The following FRAS1 variants were observed in gnomAD, a reference collection of about 807,000 sequenced individuals.
FRAS1 encodes Fraser extracellular matrix complex subunit 1, also known as extracellular matrix organizing protein FRAS1.
A neutral mutation model predicts 435.2 loss-of-function variants in FRAS1; 290 were observed. That is an observed-to-expected ratio of 0.67 (90% CI 0.61 to 0.73). The LOEUF (loss-of-function observed/expected upper bound fraction) is 0.73, where lower values mean the gene tolerates loss of function less well. Ranked by LOEUF, FRAS1 falls within the 30% of genes least tolerant of loss-of-function variation. FRAS1 has a pLI of 0.00. For missense variants in FRAS1, 4,860 were observed against 5,001.5 expected, an observed-to-expected ratio of 0.97 and a Z score of 0.85; for synonymous variants, 1,800 against 1,851.0, an observed-to-expected ratio of 0.97 and a Z score of 0.71.
intron 63 of FRAS1, among the ~76,000 whole-genome samples, chr4:78,509,503 A>G (rs1404646420): frequency 6.6e-6 from 1 of 151,634 alleles, no homozygotes; most frequent in Non-Finnish European, 1.5e-5. Context: ...ATGGCCCAAA[A>G]TGGCCAGGAC....
chr4:78,086,350 A>T (rs1741165237), intron 2 of FRAS1, among the ~76,000 whole-genome samples: 1 of 152,236 alleles, frequency 6.6e-6, no homozygotes, highest in Non-Finnish European at 1.5e-5. Flanking sequence ...ACACTCTAAC[A>T]TCACAATTAA....
chr4:78,445,717 AG>A lies in FRAS1; in HGVS notation c.5856+6del, dbSNP rs1226258933. The A allele has an allele frequency of 6.2e-7, 1 of 1,613,858 alleles. No individual in the cohort carries two copies. Among genetic ancestry groups the A allele is most frequent in the South Asian group, 1.1e-5 (1 of 91,040 alleles). Reference sequence around the variant, plus strand: ...AGCATCAATATCACCATTGAGGTAAAGACTTTGGAAGTTGGAAAGGTTGAGC... The same window carrying A: ...AGCATCAATATCACCATTGAGGTAAAACTTTGGAAGTTGGAAAGGTTGAGC... On this transcript the variant is annotated splice_donor_region_variant and intron_variant, in intron 42 of 73. Coordinates refer to ENST00000512123, the MANE Select transcript of FRAS1 (RefSeq NM_025074.7).
At chr4:78,111,749 T>TAA (rs1742718150) in intron 2 of FRAS1, among the ~76,000 whole-genome samples, 1 of 70,898 alleles carries the variant, frequency 1.4e-5, no homozygotes, top group African/African-American at 7.1e-5. Flanking sequence ...ACTTAGAGTA[T>TAA]AATAAAAAAA....
intron 4 of FRAS1, among the ~76,000 whole-genome samples, chr4:78,250,451 T>G (rs1345039463): frequency 6.6e-6 from 1 of 152,236 alleles, no homozygotes; most frequent in Non-Finnish European, 1.5e-5. Context: ...TAAAATATTT[T>G]CAATTTCACT....
chr4:78,258,637 AG>A (rs1725913044), intron 6 of FRAS1, among the ~76,000 whole-genome samples: 1 of 93,624 alleles, frequency 1.1e-5, no homozygotes, highest in African/African-American at 3.7e-5. Context: ...TTTTTTTTTT[AG>A]ATATTCTTTA....
chr4:78,306,955 T>G (rs1179411634), intron 14 of FRAS1, among the ~76,000 whole-genome samples: 1 of 152,222 alleles, frequency 6.6e-6, no homozygotes, highest in African/African-American at 2.4e-5. Flanking sequence ...TTTTTAGAGT[T>G]TCCAGTTTTT....
rs374672892 is a variant in FRAS1, at chr4:78,413,018, A to G, written c.4358A>G (p.Asn1453Ser). Reference sequence around the variant, plus strand: ...ACCCGCCTGGAGAGCCACATGTTCAACATCGCGATCTTACCACAGACACCT... The same window carrying G: ...ACCCGCCTGGAGAGCCACATGTTCAGCATCGCGATCTTACCACAGACACCT... ...AQTRLESHMFNIAILPQTPEA... is the reference protein window; with the variant it reads ...AQTRLESHMFSIAILPQTPEA... Residue 1453 changes from asparagine to serine, a missense_variant, in exon 32 of 74, where the codon AAC becomes AGC. Coordinates refer to ENST00000512123, the MANE Select transcript of FRAS1 (RefSeq NM_025074.7). 4.3e-6 allele frequency: 7 copies of G among 1,610,506 alleles called. No homozygotes were observed. The African/African-American group carries it at 8.0e-5, about 18-fold the overall frequency.
chr4:78,242,238 T>C (rs1325368883), intron 3 of FRAS1, among the ~76,000 whole-genome samples: 1 of 152,186 alleles, frequency 6.6e-6, no homozygotes, highest in African/African-American at 2.4e-5. Context: ...TAGTCACTTA[T>C]CCAGAGCTAG....
chr4:78,119,458 A>G (rs1490175501), intron 2 of FRAS1, among the ~76,000 whole-genome samples: 1 of 152,110 alleles, frequency 6.6e-6, no homozygotes, highest in Non-Finnish European at 1.5e-5. Context: ...TTCCTGGCTT[A>G]TTTCATTTAA....
rs112730901 is a variant in FRAS1 at position 78,373,148 on chromosome 4, A to AGTCAG, written c.3010+294_3010+298dup. Among the ~76,000 whole-genome samples the AGTCAG allele has an allele frequency of 9.2e-4, 140 of 152,242 alleles. 2 individuals carry two copies. The highest frequency in any genetic ancestry group is 3.4e-3 in the Middle Eastern group (1 of 294). On this transcript the variant is annotated intron_variant, in intron 24 of 73. Coordinates refer to ENST00000512123, the MANE Select transcript of FRAS1 (RefSeq NM_025074.7). Reference sequence around the variant, plus strand: ...TTTCAGATTTTCTTAAAAATTGAACAGTCAGGTCCTCCAGGTGGGAAGGTG... The same window carrying AGTCAG: ...TTTCAGATTTTCTTAAAAATTGAACAGTCAGGTCAGGTCCTCCAGGTGGGAAGGTG...
intron 20 of FRAS1, among the ~76,000 whole-genome samples, chr4:78,341,619 T>C (rs990243551): frequency 6.6e-6 from 1 of 152,188 alleles, no homozygotes; most frequent in Non-Finnish European, 1.5e-5. Flanking sequence ...CAATTTCATA[T>C]GATTTAACAT....
intron 20 of FRAS1, among the ~76,000 whole-genome samples, chr4:78,354,728 T>C (rs1476320571): frequency 3.3e-5 from 5 of 152,232 alleles, no homozygotes; most frequent in African/African-American, 1.2e-4. Context: ...CAGGACATTA[T>C]TAAAAATCTC....
intron 73 of FRAS1, 22 bp downstream of exon 73, chr4:78,539,462 G>T: frequency 6.7e-7 from 1 of 1,489,310 alleles, no homozygotes; most frequent in Non-Finnish European, 9.0e-7. Context: ...GAGAAGAACA[G>T]AAGCTTAAGA....
intron 61 of FRAS1, among the ~76,000 whole-genome samples, chr4:78,505,256 A>C (rs1437501203): frequency 6.6e-6 from 1 of 152,122 alleles, no homozygotes; most frequent in Non-Finnish European, 1.5e-5. Context: ...GTATTTCCTC[A>C]ATTTGAATGT....
chr4:78,471,266 A>G (rs1376237517), intron 51 of FRAS1, among the ~76,000 whole-genome samples: 2 of 152,156 alleles, frequency 1.3e-5, no homozygotes, highest in African/African-American at 4.8e-5. Context: ...TGTGGGTGGT[A>G]TTCTTTCTAG....
chr4:78,536,523 G>A (rs1721886275), intron 71 of FRAS1, among the ~76,000 whole-genome samples: 1 of 152,096 alleles, frequency 6.6e-6, no homozygotes, highest in South Asian at 2.1e-4. Flanking sequence ...AAATCACTTA[G>A]CCCCACTCAG....
intron 10 of FRAS1, among the ~76,000 whole-genome samples, chr4:78,280,301 G>A (rs953065329): frequency 6.6e-6 from 1 of 152,134 alleles, no homozygotes; most frequent in South Asian, 2.1e-4. Flanking sequence ...TGATAACCAA[G>A]ATGGCTACTG....
chr4:78,384,075 C>T lies in FRAS1; in HGVS notation c.3580C>T (p.Leu1194=). 1 of 1,606,018 alleles carries T rather than the reference C, an allele frequency of 6.2e-7. No homozygotes were observed. The highest frequency in any genetic ancestry group is 1.7e-5 in the Admixed American group (1 of 58,622). Residue 1194 remains leucine (L), a synonymous_variant, in exon 28 of 74, where the codon CTG becomes TTG. Transcript: ENST00000512123. ...KEKLRKGYLF[L]KISDQQFFSE... is the part of the protein sequence containing the mutation. Reference sequence around the variant, plus strand: ...CTTCTTTAGGAAAGGTTACCTTTTCCTGAAAATTAGTGACCAGCAGTTCTT... The same window carrying T: ...CTTCTTTAGGAAAGGTTACCTTTTCTTGAAAATTAGTGACCAGCAGTTCTT...
intron 16 of FRAS1, among the ~76,000 whole-genome samples, chr4:78,316,982 C>T (rs1341898606): frequency 6.6e-6 from 1 of 152,160 alleles, no homozygotes; most frequent in Non-Finnish European, 1.5e-5. Context: ...AGGGCTAAAT[C>T]CCAGCCCTGC....
Sources: allele counts gnomAD v4.1 joint callset (sites outside exome capture counted in the v4.1 genomes callset), GRCh38; gene constraint gnomAD v4.1.1; transcripts MANE v1.5; gene names NCBI Gene and HGNC (gene_info 2026-07-23, HGNC 2026-07-21).